EXOC4: variants seen among roughly 807,000 people sequenced by gnomAD.
EXOC4 encodes SEC8-like 1.
EXOC4 carries 71 observed loss-of-function variants against 107.2 expected under a neutral mutation model. The ratio of observed to expected loss-of-function variants is 0.66; its 90% CI spans 0.55 to 0.81. The LOEUF is 0.81. Ranked by LOEUF, EXOC4 falls within the 30% of genes least tolerant of loss-of-function variation. The probability of loss-of-function intolerance (pLI) is 0.00; values close to 1 mark genes in which losing one functional copy is unlikely to be tolerated. For missense variants in EXOC4, 1,108 were observed against 1,189.6 expected (o/e 0.93, Z 1.01); for synonymous variants, 456 against 441.2 (o/e 1.03, Z -0.42).
At position 133,926,896 on chromosome 7, in the gene EXOC4, T is replaced by C. The variant is rs150322458; in HGVS notation, c.2027+9158T>C. Among the ~76,000 whole-genome samples, 328 of 152,274 alleles carry C rather than the reference T, an allele frequency of 2.2e-3. 2 individuals are homozygous for C. The highest frequency in any genetic ancestry group is 7.6e-3 in the African/African-American group (314 of 41,568). On this transcript the variant is annotated intron_variant, in intron 13 of 17. Coordinates refer to ENST00000253861, the MANE Select transcript of EXOC4 (RefSeq NM_021807.4). ...TTATGAAATTAGGAAGTCAACATGA[T>C]TAACAGCAAAATATTCATTTCCAGC...
At chr7:133,458,161 C>T (rs1798506570) in intron 7 of EXOC4, among the ~76,000 whole-genome samples, 1 of 152,160 alleles carries the variant, frequency 6.6e-6, no homozygotes, top group South Asian at 2.1e-4. Context: ...CGCAGCTATT[C>T]ATCTCATTCA....
chr7:134,054,390 G>C (rs1286679083), intron 17 of EXOC4, among the ~76,000 whole-genome samples: 1 of 152,100 alleles, frequency 6.6e-6, no homozygotes, highest in African/African-American at 2.4e-5. Flanking sequence ...ATTTCTCCTA[G>C]ACAAATTCAC....
At chr7:133,257,663 G>A (rs1795050186) in intron 1 of EXOC4, among the ~76,000 whole-genome samples, 1 of 152,180 alleles carries the variant, frequency 6.6e-6, no homozygotes, top group Admixed American at 6.5e-5. Flanking sequence ...TGTGACTTCA[G>A]GAGACCTTAT....
chr7:133,256,058 T>C (rs1406950450), intron 1 of EXOC4, among the ~76,000 whole-genome samples: 2 of 151,924 alleles, frequency 1.3e-5, no homozygotes, highest in Non-Finnish European at 2.9e-5. Flanking sequence ...CTTGGCTCAC[T>C]GCAAGCTCCG....
chr7:133,671,978 G>A (rs1793956664), intron 10 of EXOC4, among the ~76,000 whole-genome samples: 1 of 152,118 alleles, frequency 6.6e-6, no homozygotes, highest in South Asian at 2.1e-4. Context: ...ACTAAAATTC[G>A]TAAATGGGAA....
chr7:133,491,572 T>G (rs1193299173), intron 9 of EXOC4, among the ~76,000 whole-genome samples: 3 of 152,196 alleles, frequency 2.0e-5, no homozygotes, highest in African/African-American at 4.8e-5. Context: ...TTCTTAGGGC[T>G]GTCATATCAG....
chr7:134,001,854 C>T (rs1315909941), intron 15 of EXOC4, among the ~76,000 whole-genome samples: 1 of 152,242 alleles, frequency 6.6e-6, no homozygotes, highest in Admixed American at 6.5e-5. Context: ...AAAAGAACTG[C>T]TCACCAGTCC....
At chr7:133,830,770 CATT>C (rs1479840275) in intron 11 of EXOC4, among the ~76,000 whole-genome samples, 1 of 152,136 alleles carries the variant, frequency 6.6e-6, no homozygotes, top group African/African-American at 2.4e-5. Context: ...AATATTGACA[CATT>C]ATTATTAACT....
chr7:133,271,753 G>A (rs1378975343), intron 1 of EXOC4, among the ~76,000 whole-genome samples: 1 of 152,184 alleles, frequency 6.6e-6, no homozygotes, highest in East Asian at 1.9e-4. Context: ...TTGCTGTGCT[G>A]TGAGTGTGAT....
At chr7:133,858,149 C>T (rs953544743) in intron 11 of EXOC4, among the ~76,000 whole-genome samples, 3 of 152,196 alleles carry the variant, frequency 2.0e-5, no homozygotes, top group Non-Finnish European at 2.9e-5. Flanking sequence ...CAGCCCTTTT[C>T]GCACCCACCA....
chr7:133,903,223 G>T (rs1799494670), intron 12 of EXOC4, among the ~76,000 whole-genome samples: 1 of 152,226 alleles, frequency 6.6e-6, no homozygotes, highest in Non-Finnish European at 1.5e-5. Context: ...GGGATGCTGA[G>T]TACTACTCTG....
In EXOC4 at chr7:133,454,395, G is replaced by A. The variant is rs1416336877; in HGVS notation, c.1183-20933G>A. 5.3e-5 allele frequency among the ~76,000 whole-genome samples: 8 copies of A among 152,072 alleles called. 1 individual carries two copies. The highest frequency in any genetic ancestry group is 4.1e-4 in the South Asian group (2 of 4,828). On this transcript the variant is annotated intron_variant, in intron 7 of 17. Coordinates refer to ENST00000253861, the MANE Select transcript of EXOC4 (RefSeq NM_021807.4). ...CTCACTGCAGCCATTGCCTCCTGGC[G>A]AAGCGATTCTTGTGCCTCAGCCTCC... is the stretch of plus-strand genomic sequence containing the variant.
intron 9 of EXOC4, among the ~76,000 whole-genome samples, chr7:133,567,533 T>C (rs1800930388): frequency 6.6e-6 from 1 of 152,190 alleles, no homozygotes; most frequent in African/African-American, 2.4e-5. Context: ...GATAAATTTC[T>C]GGCAGTGGCG....
At chr7:133,598,994 A>C (rs1198869352) in intron 9 of EXOC4, among the ~76,000 whole-genome samples, 2 of 151,976 alleles carry the variant, frequency 1.3e-5, no homozygotes, top group Non-Finnish European at 2.9e-5. Flanking sequence ...CAATAACTAA[A>C]TTAATTAATT....
At position 133,278,739 on chromosome 7, in the gene EXOC4, A is replaced by G. The variant is rs568699591; in HGVS notation, c.276+3568A>G. On this transcript the variant is annotated intron_variant, in intron 2 of 17. Coordinates refer to ENST00000253861, the MANE Select transcript of EXOC4 (RefSeq NM_021807.4). ...GGGTCTTGTAGGTCACTGGAAAGAC[A>G]TTGATTTTAACTATCGGTATAATGG... Among the ~76,000 whole-genome samples, 12 of 152,256 alleles carry G rather than the reference A, an allele frequency of 7.9e-5. 1 individual carries two copies. The South Asian group carries it at 2.1e-3, about 26-fold the overall frequency.
At chr7:133,715,480 CTTT>C (rs201216157) in intron 10 of EXOC4, among the ~76,000 whole-genome samples, 1 of 143,328 alleles carries the variant, frequency 7.0e-6, no homozygotes. Context: ...TTTCTAATGA[CTTT>C]TTTTTTTTTT....
chr7:133,928,811 A>T (rs1800108533), intron 13 of EXOC4, among the ~76,000 whole-genome samples: 1 of 152,096 alleles, frequency 6.6e-6, no homozygotes. Context: ...CCATCCATCA[A>T]GCAAGAGGTC....
chr7:134,082,366 T>A, the EXOC4 span, among the ~76,000 whole-genome samples: 3 of 152,214 alleles, frequency 2.0e-5, no homozygotes, highest in Non-Finnish European at 4.4e-5. Context: ...GCAGTGAGGA[T>A]GACCTGAGGT....
intron 7 of EXOC4, among the ~76,000 whole-genome samples, chr7:133,400,415 A>C (rs1375134954): frequency 1.3e-5 from 2 of 152,174 alleles, no homozygotes; most frequent in African/African-American, 4.8e-5. Flanking sequence ...ATGTTAGTTA[A>C]TCTGGGGGAC....
Sources: allele counts gnomAD v4.1 joint callset (sites outside exome capture counted in the v4.1 genomes callset), GRCh38; gene constraint gnomAD v4.1.1; transcripts MANE v1.5; gene names NCBI Gene and HGNC (gene_info 2026-07-23, HGNC 2026-07-21).